Variants in COG5 observed in about 807,000 individuals in gnomAD.
COG5 encodes the protein conserved oligomeric Golgi complex subunit 5.
COG5 carries 86 observed loss-of-function variants against 110.4 expected under a neutral mutation model. The ratio of observed to expected loss-of-function variants is 0.78; its 90% CI spans 0.65 to 0.93. The LOEUF is 0.93. Among genes scored for constraint, COG5 ranks in the 40% least tolerant of loss-of-function variants. The pLI, the probability that COG5 is intolerant of heterozygous loss-of-function variation, is 0.00. For synonymous variants in COG5, 360 were observed against 334.6 expected (o/e 1.08, Z -0.83); for missense variants, 1,077 against 987.0 (o/e 1.09, Z -1.22).
At chr7:107,240,295 A>C (rs1341443091) in intron 17 of COG5, among the ~76,000 whole-genome samples, 1 of 152,140 alleles carries the variant, frequency 6.6e-6, no homozygotes, top group Non-Finnish European at 1.5e-5. Flanking sequence ...GGCTCACTGC[A>C]ACCTCTGCCT....
chr7:107,510,756 C>A (rs368937949), intron 6 of COG5, among the ~76,000 whole-genome samples: 19,491 of 151,900 alleles, frequency 0.13, 1,484 homozygotes, highest in Non-Finnish European at 0.17. Flanking sequence ...AAAACCGCTC[C>A]ACTACATGGA....
At chr7:107,460,133 T>C (rs1249496191) in intron 6 of COG5, among the ~76,000 whole-genome samples, 4 of 152,168 alleles carry the variant, frequency 2.6e-5, no homozygotes, top group African/African-American at 9.7e-5. Flanking sequence ...CCGAGCACGG[T>C]GGCTCATGCC....
chr7:107,342,767 T>C (rs1477207696), intron 10 of COG5, among the ~76,000 whole-genome samples: 1 of 152,190 alleles, frequency 6.6e-6, no homozygotes, highest in African/African-American at 2.4e-5. Context: ...ACGTTGCTTC[T>C]GGCAATGTAA....
intron 16 of COG5, among the ~76,000 whole-genome samples, chr7:107,255,378 T>C (rs1802809329): frequency 6.6e-6 from 1 of 152,116 alleles, no homozygotes; most frequent in African/African-American, 2.4e-5. Context: ...ACTGTCTCCT[T>C]CTCTTACCCT....
At chr7:107,342,368 C>CAAAAAAA (rs796981383) in intron 10 of COG5, among the ~76,000 whole-genome samples, 2 of 97,778 alleles carry the variant, frequency 2.0e-5, no homozygotes, top group Admixed American at 1.1e-4. Context: ...ACAAACAAAC[C>CAAAAAAA]AAAAAAAAAA....
chr7:107,448,875 A>G (rs1304646727), intron 6 of COG5, among the ~76,000 whole-genome samples: 1 of 152,180 alleles, frequency 6.6e-6, no homozygotes, highest in Non-Finnish European at 1.5e-5. Flanking sequence ...AATATATGTC[A>G]TGAATATATA....
At chr7:107,329,853 T>A (rs1810094743) in intron 10 of COG5, among the ~76,000 whole-genome samples, 1 of 152,190 alleles carries the variant, frequency 6.6e-6, no homozygotes, top group Non-Finnish European at 1.5e-5. Context: ...CAGGATCACA[T>A]CACTGCAATC....
chr7:107,454,202 GAAC>G (rs1405075021), intron 6 of COG5, among the ~76,000 whole-genome samples: 3 of 151,980 alleles, frequency 2.0e-5, no homozygotes, highest in Non-Finnish European at 4.4e-5. Context: ...CCACTTAAAA[GAAC>G]AACATGAATA....
chr7:107,330,243 A>G (rs530676922), intron 10 of COG5, among the ~76,000 whole-genome samples: 4 of 152,368 alleles, frequency 2.6e-5, no homozygotes, highest in East Asian at 1.9e-4. Flanking sequence ...TACAAACAGT[A>G]TAATTCTAAC....
intron 7 of COG5, among the ~76,000 whole-genome samples, chr7:107,377,079 AAATG>A (rs1814698749): frequency 6.6e-6 from 1 of 152,142 alleles, no homozygotes; most frequent in South Asian, 2.1e-4. Flanking sequence ...TGGCCTCATA[AAATG>A]AGCAGGTACA....
Position 107,201,499 on chromosome 7 carries a change from A to T in COG5, c.*2017T>A, listed in dbSNP as rs561139290. The T allele has an allele frequency of 3.0e-5, 29 of 976,272 alleles. No individual in the cohort carries two copies. The highest frequency in any genetic ancestry group is 1.7e-4 in the East Asian group (7 of 41,194). The allele number at this position is 976,272 out of a possible 1,614,324, so 60.5% of individuals were successfully genotyped here. ...TGACTCTTGATGGAAAGACTTAAGA[A>T]GATCAAGGTCTCACCATTTGTCCTC... On this transcript the variant is annotated 3_prime_UTR_variant, in exon 22 of 22. Transcript: ENST00000297135.
intron 16 of COG5, among the ~76,000 whole-genome samples, chr7:107,250,444 G>GT (rs1201309994): frequency 6.7e-6 from 1 of 150,242 alleles, no homozygotes. Context: ...ATAAAAAAAG[G>GT]TAAAAAAAAA....
intron 5 of COG5, among the ~76,000 whole-genome samples, chr7:107,541,081 G>A (rs138276493): frequency 0.018 from 2,737 of 151,978 alleles, 80 homozygotes; most frequent in African/African-American, 0.061. Flanking sequence ...AACCCAGGAG[G>A]CGGAGGTTGC....
At chr7:107,360,625 C>T (rs1189018952) in intron 10 of COG5, among the ~76,000 whole-genome samples, 1 of 152,170 alleles carries the variant, frequency 6.6e-6, no homozygotes, top group Non-Finnish European at 1.5e-5. Context: ...CTACATTCCC[C>T]TCATCTAGAT....
chr7:107,539,735 A>C (rs1306760744), intron 5 of COG5, among the ~76,000 whole-genome samples: 3 of 152,200 alleles, frequency 2.0e-5, no homozygotes, highest in Non-Finnish European at 4.4e-5. Flanking sequence ...CTTATAACTC[A>C]ATTTTTAATA....
chr7:107,549,542 C>T (rs1802731045), intron 3 of COG5, among the ~76,000 whole-genome samples: 1 of 151,388 alleles, frequency 6.6e-6, no homozygotes, highest in Non-Finnish European at 1.5e-5. Flanking sequence ...CAGGCGCCCA[C>T]CACCACGCCC....
chr7:107,357,859 T>C (rs1426037751), intron 10 of COG5, among the ~76,000 whole-genome samples: 2 of 152,140 alleles, frequency 1.3e-5, no homozygotes, highest in Non-Finnish European at 2.9e-5. Context: ...TGTAGAGATG[T>C]GGTCTCCCTA....
Position 107,325,728 on chromosome 7 carries a change from C to T in COG5, c.1027-1207G>A, listed in dbSNP as rs17350959. On this transcript the variant is annotated intron_variant, in intron 10 of 21. Coordinates refer to ENST00000297135, the MANE Select transcript of COG5 (RefSeq NM_006348.5). The stretch of plus-strand genomic sequence containing the variant: ...TCTAATGTTAAAATATTGCTACAGT[C>T]CCAAAAATAAAATTATAATTTTGGA... Among the ~76,000 whole-genome samples, 832 of 152,194 alleles carry T rather than the reference C, an allele frequency of 5.5e-3. 3 individuals are homozygous for T. Among genetic ancestry groups the T allele is most frequent in the Middle Eastern group, 0.02 (6 of 294 alleles).
In COG5 at chr7:107,236,608, T is replaced by G; in HGVS notation, c.1933A>C (p.Met645Leu). 6.2e-7 allele frequency: 1 copy of G among 1,614,088 alleles called. No individual in the cohort carries two copies. Among genetic ancestry groups the G allele is most frequent in the Non-Finnish European group, 8.5e-7 (1 of 1,179,990 alleles). ...KELQGFIARV[M>L]SDYFKHFECL... ...TCAAAGTGTTTAAAATAGTCACTCA[T>G]AACTCTGGCAATGAAACCTTGTAGC... is the stretch of plus-strand genomic sequence containing the variant. Residue 645 changes from methionine (M) to leucine (L), a missense_variant, in exon 18 of 22, where the codon ATG (methionine) becomes CTG (leucine). Physicochemically the swap from Met to Leu is conservative, Grantham distance 15. Transcript: ENST00000297135.
Sources: allele counts gnomAD v4.1 joint callset (sites outside exome capture counted in the v4.1 genomes callset), GRCh38; gene constraint gnomAD v4.1.1; transcripts MANE v1.5; gene names NCBI Gene and HGNC (gene_info 2026-07-23, HGNC 2026-07-21).